P2RY8: variants seen among roughly 807,000 people sequenced by gnomAD.
The protein encoded by P2RY8 is P2Y receptor family member 8.
In P2RY8, 6 loss-of-function variants were observed where a neutral mutation model predicts 10.0. That is an observed-to-expected ratio of 0.60 (90% CI 0.33 to 1.19). The LOEUF (loss-of-function observed/expected upper bound fraction) is 1.19. Ranked by LOEUF, P2RY8 falls within the 50% of genes most tolerant of loss-of-function variation. The pLI is 0.04. For synonymous variants in P2RY8, 276 were observed against 252.5 expected (o/e 1.09, Z -0.88); for missense variants, 456 against 542.0 (o/e 0.84, Z 1.58).
intron 1 of P2RY8, among the ~76,000 whole-genome samples, chrX:1,528,894 T>G (rs1339216334): frequency 6.6e-6 from 1 of 152,224 alleles, no homozygotes; most frequent in Non-Finnish European, 1.5e-5. Context: ...GAGTTGGATT[T>G]GAGTCTCTTT....
At chrX:1,504,608 T>G (rs2092212740) in intron 1 of P2RY8, among the ~76,000 whole-genome samples, 1 of 152,200 alleles carries the variant, frequency 6.6e-6, no homozygotes, top group South Asian at 2.1e-4. Flanking sequence ...TCCCAGCATT[T>G]TGGGAGTCTG....
chrX:1,516,059 C>T (rs369933703), intron 1 of P2RY8, among the ~76,000 whole-genome samples: 40 of 149,968 alleles, frequency 2.7e-4, no homozygotes, highest in African/African-American at 6.8e-4. Context: ...TAGCCAGGCG[C>T]GGTGGCAGGC....
In P2RY8 at chrX:1,514,884, C is replaced by T. The variant is rs1287563794; in HGVS notation, c.-25+22037G>A. Among the ~76,000 whole-genome samples the T allele has an allele frequency of 3.3e-4, 11 of 33,078 alleles. No individual in the cohort carries two copies. In the East Asian group the frequency reaches 6.5e-3, roughly 20 times the overall value. 21.7% of individuals were successfully genotyped at this position (33,078 alleles called of 152,430 possible). A position where few individuals can be genotyped will look rare whatever the true frequency, so the allele number is the denominator to read the frequency against. On this transcript the variant is annotated intron_variant, in intron 1 of 1. Coordinates refer to ENST00000381297, the MANE Select transcript of P2RY8 (RefSeq NM_178129.5). ...CCCCCTCCCCTTCCCCTGTCTTCCTCTCCCCTCCCCTTCCCCTCCCCTCCC... is the reference window on the plus strand; with the variant it reads ...CCCCCTCCCCTTCCCCTGTCTTCCTTTCCCCTCCCCTTCCCCTCCCCTCCC...
At chrX:1,478,246 C>CGTGTGTGT (rs1389734508) in intron 1 of P2RY8, among the ~76,000 whole-genome samples, 7 of 141,258 alleles carry the variant, frequency 5.0e-5, no homozygotes, top group African/African-American at 1.9e-4. Context: ...TGCTGGCAGG[C>CGTGTGTGT]GTATGTGTGT....
intron 1 of P2RY8, among the ~76,000 whole-genome samples, chrX:1,467,674 C>G (rs1208088042): frequency 6.6e-6 from 1 of 152,166 alleles, no homozygotes; most frequent in African/African-American, 2.4e-5. Flanking sequence ...TGGAATTGTT[C>G]TTTTGTTTGT....
At chrX:1,531,284 G>A (rs111716908) in intron 1 of P2RY8, among the ~76,000 whole-genome samples, 4,280 of 152,174 alleles carry the variant, frequency 0.028, 217 homozygotes, top group African/African-American at 0.099. Flanking sequence ...CCCACCACAG[G>A]GAATTCCCCC....
chrX:1,516,302 C>T (rs2092348647), intron 1 of P2RY8, among the ~76,000 whole-genome samples: 1 of 152,024 alleles, frequency 6.6e-6, no homozygotes, highest in Admixed American at 6.6e-5. Flanking sequence ...TCACCCCTCT[C>T]CCACAAATAT....
intron 1 of P2RY8, among the ~76,000 whole-genome samples, chrX:1,476,897 C>G (rs2091880455): frequency 6.6e-6 from 1 of 151,946 alleles, no homozygotes; most frequent in South Asian, 2.1e-4. Context: ...AGCATAAGAA[C>G]TTCACCGTCA....
intron 1 of P2RY8, among the ~76,000 whole-genome samples, chrX:1,476,128 A>G (rs2091870099): frequency 6.6e-6 from 1 of 152,144 alleles, no homozygotes; most frequent in African/African-American, 2.4e-5. Flanking sequence ...AGGTACAGGT[A>G]TACACCTGGT....
chrX:1,524,828 TCCA>T (rs2092428548), intron 1 of P2RY8, among the ~76,000 whole-genome samples: 1 of 113,258 alleles, frequency 8.8e-6, no homozygotes, highest in Non-Finnish European at 2.1e-5. Flanking sequence ...CATCCATCCA[TCCA>T]TCCATCCATC....
intron 1 of P2RY8, among the ~76,000 whole-genome samples, chrX:1,493,404 GA>G (rs1569537367): frequency 1.4e-3 from 29 of 20,578 alleles, no homozygotes; most frequent in African/African-American, 2.0e-3. Flanking sequence ...AGGGAAGGAG[GA>G]AGGAGGAGGA....
Position 1,466,306 on chromosome X carries a change from T to G in P2RY8, c.253A>C (p.Asn85His). ...ACCCCGAATACCCAGTGGTGGCGGT[T>G]GCAATGGTAGTAGATTTGGAAAGGC... ...VLPFQIYYHC[N>H]RHHWVFGVLL... Residue 85 changes from asparagine to histidine, a missense_variant, in exon 2 of 2, where the codon AAC becomes CAC. By Grantham distance (68) the Asn-to-His change is moderately conservative. Transcript: ENST00000381297. 6.2e-7 allele frequency: 1 copy of G among 1,613,756 alleles called. No individual in the cohort carries two copies. Among genetic ancestry groups the G allele is most frequent in the Non-Finnish European group, 8.5e-7 (1 of 1,179,838 alleles).
At position 1,466,001 on chromosome X, in the gene P2RY8, G is replaced by A. The variant is rs760034139; in HGVS notation, c.558C>T (p.Ser186=). The change falls in exon 2 of 2, where the codon AGC becomes AGT. Residue 186 remains serine (S), a synonymous_variant. Coordinates refer to ENST00000381297, the MANE Select transcript of P2RY8 (RefSeq NM_178129.5). ...FDVLKWTMLP[S]VAMWAVFLFT... is the part of the protein sequence containing the mutation. ...AGAGGAACACGGCCCACATGGCCAC[G>A]CTGGGGAGCATCGTCCACTTGAGGA... The A allele has an allele frequency of 8.1e-6, 13 of 1,612,052 alleles. No individual in the cohort carries two copies. In the Admixed American group the frequency reaches 1.5e-4, roughly 19 times the overall value.
chrX:1,481,466 G>T (rs1192595558), intron 1 of P2RY8, among the ~76,000 whole-genome samples: 2 of 152,062 alleles, frequency 1.3e-5, no homozygotes, highest in African/African-American at 4.8e-5. Flanking sequence ...GCCCGGCCAG[G>T]TAGTCACATT....
At chrX:1,467,730 G>C (rs189071944) in intron 1 of P2RY8, among the ~76,000 whole-genome samples, 77 of 152,274 alleles carry the variant, frequency 5.1e-4, no homozygotes, top group African/African-American at 1.8e-3. Context: ...AGGCTGGAGG[G>C]CAGTAGTGCA....
chrX:1,501,108 C>A (rs187756272), intron 1 of P2RY8, among the ~76,000 whole-genome samples: 1 of 152,180 alleles, frequency 6.6e-6, no homozygotes, highest in Non-Finnish European at 1.5e-5. Flanking sequence ...ACAGACTCTA[C>A]GCCCATCTTC....
At chrX:1,505,992 T>C (rs1257615484) in intron 1 of P2RY8, among the ~76,000 whole-genome samples, 3 of 96,120 alleles carry the variant, frequency 3.1e-5, no homozygotes, top group African/African-American at 1.0e-4. Context: ...TTCTTCTTTT[T>C]TTTTTTTTTT....
chrX:1,508,649 A>G (rs1237362682), intron 1 of P2RY8, among the ~76,000 whole-genome samples: 1 of 148,710 alleles, frequency 6.7e-6, no homozygotes, highest in African/African-American at 2.5e-5. Context: ...CTATTCATCC[A>G]TCTATCTATC....
intron 1 of P2RY8, among the ~76,000 whole-genome samples, chrX:1,470,175 A>G (rs2091766420): frequency 6.6e-6 from 1 of 151,430 alleles, no homozygotes; most frequent in Non-Finnish European, 1.5e-5. Flanking sequence ...CCTGGCCAAC[A>G]TGGTGAAATC....
Sources: gnomAD v4.1 joint callset for allele counts (sites outside exome capture counted in the v4.1 genomes callset) on GRCh38, gnomAD v4.1.1 for gene constraint, MANE v1.5 for transcripts, NCBI Gene and HGNC (gene_info 2026-07-23, HGNC 2026-07-21) for gene names.